Variants in FAM107B observed in about 807,000 individuals in gnomAD.
FAM107B encodes protein FAM107B.
Under a neutral mutation model 31.5 loss-of-function variants are expected in FAM107B, and 21 were observed. The observed-to-expected ratio is 0.67, with a 90% CI of 0.47 to 0.96. FAM107B has a LOEUF of 0.96. Ranked by LOEUF, FAM107B falls within the 40% of genes least tolerant of loss-of-function variation. The pLI, the probability that FAM107B is intolerant of heterozygous loss-of-function variation, is 0.00. For synonymous variants in FAM107B, 157 were observed against 141.5 expected, an observed-to-expected ratio of 1.11 and a Z score of -0.78; for missense variants, 452 against 377.1, an observed-to-expected ratio of 1.20 and a Z score of -1.64.
At chr10:14,707,249 A>G (rs1855543305) in intron 1 of FAM107B, among the ~76,000 whole-genome samples, 1 of 152,226 alleles carries the variant, frequency 6.6e-6, no homozygotes, top group African/African-American at 2.4e-5. Context: ...AAATTGTGGA[A>G]AGATGATTTT....
intron 2 of FAM107B, among the ~76,000 whole-genome samples, chr10:14,531,669 C>T (rs887954513): frequency 2.6e-5 from 4 of 151,954 alleles, no homozygotes; most frequent in Non-Finnish European, 5.9e-5. Flanking sequence ...TGATGAAACC[C>T]TGTCTCTACT....
At chr10:14,554,403 G>C (rs1849521522) in intron 2 of FAM107B, among the ~76,000 whole-genome samples, 1 of 152,304 alleles carries the variant, frequency 6.6e-6, no homozygotes, top group East Asian at 1.9e-4. Flanking sequence ...GAGTCATAAG[G>C]GCCGGAACTC....
At chr10:14,695,945 C>G (rs1855254848) in intron 1 of FAM107B, among the ~76,000 whole-genome samples, 2 of 152,152 alleles carry the variant, frequency 1.3e-5, no homozygotes, top group South Asian at 4.1e-4. Context: ...TTTCACTTTT[C>G]TCTTCTAATT....
At chr10:14,753,843 C>T (rs1832876246) in intron 1 of FAM107B, among the ~76,000 whole-genome samples, 1 of 151,840 alleles carries the variant, frequency 6.6e-6, no homozygotes, top group Admixed American at 6.6e-5. Flanking sequence ...CAACATCTTC[C>T]CCCCACCTAT....
chr10:14,609,313 G>T (rs1399501530), intron 2 of FAM107B, among the ~76,000 whole-genome samples: 1 of 152,090 alleles, frequency 6.6e-6, no homozygotes, highest in East Asian at 1.9e-4. Context: ...GCCTCCCAAA[G>T]CCAAAATCAA....
chr10:14,743,387 T>C (rs1212793647), intron 1 of FAM107B, among the ~76,000 whole-genome samples: 1 of 152,214 alleles, frequency 6.6e-6, no homozygotes, highest in Non-Finnish European at 1.5e-5. Flanking sequence ...TTCACCTTCG[T>C]TGCAATGGCT....
At chr10:14,633,681 C>A (rs910984061) in intron 2 of FAM107B, among the ~76,000 whole-genome samples, 1 of 152,004 alleles carries the variant, frequency 6.6e-6, no homozygotes, top group African/African-American at 2.4e-5. Context: ...TTTTGTTGAG[C>A]CAGTCAATAA....
chr10:14,539,250 G>C (rs1201126346), intron 2 of FAM107B, among the ~76,000 whole-genome samples: 2 of 152,224 alleles, frequency 1.3e-5, no homozygotes, highest in African/African-American at 4.8e-5. Context: ...GAAAATGACT[G>C]GAGCAGGATC....
chr10:14,617,140 A>T (rs994499857), intron 2 of FAM107B, among the ~76,000 whole-genome samples: 2 of 152,036 alleles, frequency 1.3e-5, no homozygotes, highest in African/African-American at 4.8e-5. Flanking sequence ...TGGAAAGGAA[A>T]AGGAAATTAA....
intron 2 of FAM107B, among the ~76,000 whole-genome samples, chr10:14,581,990 T>C (rs1009726005): frequency 5.9e-5 from 9 of 152,176 alleles, no homozygotes; most frequent in South Asian, 4.2e-4. Flanking sequence ...TTGTTTAAAA[T>C]TGTATAGGAT....
At chr10:14,722,269 T>C (rs1588730882) in intron 1 of FAM107B, among the ~76,000 whole-genome samples, 1 of 152,218 alleles carries the variant, frequency 6.6e-6, no homozygotes, top group Non-Finnish European at 1.5e-5. Context: ...TTTTGTACAT[T>C]TTATAAAAAT....
intron 2 of FAM107B, among the ~76,000 whole-genome samples, chr10:14,644,560 G>A (rs1158421473): frequency 6.6e-6 from 1 of 152,224 alleles, no homozygotes; most frequent in Non-Finnish European, 1.5e-5. Context: ...CTCAGAAAAT[G>A]TGAAAATATC....
At chr10:14,646,296 T>A (rs184662615) in intron 2 of FAM107B, among the ~76,000 whole-genome samples, 70 of 152,212 alleles carry the variant, frequency 4.6e-4, no homozygotes, top group African/African-American at 1.6e-3. Context: ...CCAAATAGTG[T>A]ACATTGTACC....
intron 2 of FAM107B, among the ~76,000 whole-genome samples, chr10:14,624,196 T>C (rs546654025): frequency 6.6e-6 from 1 of 152,194 alleles, no homozygotes; most frequent in East Asian, 1.9e-4. Context: ...CTATTAACTA[T>C]ACAAACAATG....
intron 2 of FAM107B, among the ~76,000 whole-genome samples, chr10:14,578,889 AG>A (rs1225587759): frequency 6.6e-6 from 1 of 152,228 alleles, no homozygotes; most frequent in Non-Finnish European, 1.5e-5. Flanking sequence ...CACTACCCCA[AG>A]TACTGATTAC....
chr10:14,603,492 T>C (rs1305329904), intron 2 of FAM107B, among the ~76,000 whole-genome samples: 3 of 152,200 alleles, frequency 2.0e-5, no homozygotes, highest in Non-Finnish European at 4.4e-5. Context: ...GAATGAAATC[T>C]ACAGTTTACC....
intron 2 of FAM107B, among the ~76,000 whole-genome samples, chr10:14,621,801 G>GCTGC (rs80093730): frequency 0.041 from 6,276 of 152,224 alleles, 193 homozygotes; most frequent in African/African-American, 0.088. Context: ...TCGCTTGTTA[G>GCTGC]CTGCTGAAAG....
intron 1 of FAM107B, among the ~76,000 whole-genome samples, chr10:14,709,987 T>C (rs1262084269): frequency 6.6e-6 from 1 of 152,172 alleles, no homozygotes; most frequent in Non-Finnish European, 1.5e-5. Flanking sequence ...TTCTGTATGA[T>C]ACTATAATGG....
At chr10:14,527,994 C>CT (rs1288425029) in intron 3 of FAM107B, 2 of 346,406 alleles carry the variant, frequency 5.8e-6, no homozygotes, top group East Asian at 1.1e-4. Flanking sequence ...TGAAATCTGC[C>CT]TTTTCTTTTT....
Sources: gnomAD v4.1 joint callset for allele counts (sites outside exome capture counted in the v4.1 genomes callset) on GRCh38, gnomAD v4.1.1 for gene constraint, MANE v1.5 for transcripts, NCBI Gene and HGNC (gene_info 2026-07-23, HGNC 2026-07-21) for gene names.